CLSTN2: variants seen among roughly 807,000 people sequenced by gnomAD.
CLSTN2 encodes calsyntenin 2.
Under a neutral mutation model 101.2 loss-of-function variants are expected in CLSTN2, and 48 were observed. That is an observed-to-expected ratio of 0.47 (90% CI 0.38 to 0.60). The LOEUF is 0.60. Ranked by LOEUF, CLSTN2 falls within the 20% of genes least tolerant of loss-of-function variation. The pLI is 0.00. For missense variants in CLSTN2, 1,160 were observed against 1,238.2 expected, an observed-to-expected ratio of 0.94 and a Z score of 0.95; for synonymous variants, 481 against 463.6, an observed-to-expected ratio of 1.04 and a Z score of -0.48.
intron 1 of CLSTN2, among the ~76,000 whole-genome samples, chr3:140,005,764 A>C (rs2107749283): frequency 6.6e-6 from 1 of 152,346 alleles, no homozygotes; most frequent in African/African-American, 2.4e-5. Flanking sequence ...TGAAGTGGGA[A>C]AAGCAGCAGA....
chr3:140,034,038 TA>T (rs533692889), intron 1 of CLSTN2, among the ~76,000 whole-genome samples: 220 of 152,336 alleles, frequency 1.4e-3, no homozygotes, highest in African/African-American at 5.2e-3. Context: ...TTGCATTTTG[TA>T]AATGTGATCA....
chr3:140,104,224 G>A (rs923339025), intron 1 of CLSTN2, among the ~76,000 whole-genome samples: 2 of 152,186 alleles, frequency 1.3e-5, no homozygotes, highest in Non-Finnish European at 2.9e-5. Context: ...TTTTTCCACA[G>A]ACAGTTCCTC....
chr3:140,312,371 C>T (rs981450691), intron 2 of CLSTN2, among the ~76,000 whole-genome samples: 6 of 152,236 alleles, frequency 3.9e-5, no homozygotes, highest in Non-Finnish European at 2.9e-5. Context: ...GCACTGGGCC[C>T]TTGACCTGCT....
At chr3:140,112,276 T>C (rs2009168669) in intron 1 of CLSTN2, among the ~76,000 whole-genome samples, 1 of 152,180 alleles carries the variant, frequency 6.6e-6, no homozygotes, top group Non-Finnish European at 1.5e-5. Flanking sequence ...AGGAACACCA[T>C]TATTTGTGGA....
In CLSTN2 at chr3:140,459,700, A is replaced by G. The variant is rs1933512041; in HGVS notation, c.1153A>G (p.Met385Val). 1 of 1,614,136 alleles carries G rather than the reference A, an allele frequency of 6.2e-7. No homozygotes were observed. The highest frequency in any genetic ancestry group is 1.3e-5 in the African/African-American group (1 of 75,034). Residue 385 changes from methionine (M) to valine (V), a missense_variant, in exon 7 of 17, where the codon ATG becomes GTG. Transcript: ENST00000458420. ...LTDQFTITMW[M>V]KHGPSPGVRA... Reference sequence around the variant, plus strand: ...CGATCAGTTCACCATCACCATGTGGATGAAACACGGCCCCAGCCCTGGTGT... The same window carrying G: ...CGATCAGTTCACCATCACCATGTGGGTGAAACACGGCCCCAGCCCTGGTGT...
intron 1 of CLSTN2, among the ~76,000 whole-genome samples, chr3:139,975,348 GC>G (rs1935798399): frequency 6.6e-6 from 1 of 152,100 alleles, no homozygotes; most frequent in South Asian, 2.1e-4. Context: ...CAGGACCTGG[GC>G]TTGATTGTGT....
intron 2 of CLSTN2, among the ~76,000 whole-genome samples, chr3:140,306,497 A>C (rs2087115218): frequency 6.6e-6 from 1 of 152,286 alleles, no homozygotes; most frequent in Non-Finnish European, 1.5e-5. Flanking sequence ...CCCAGGTTGA[A>C]CCTTTGTAAA....
chr3:140,402,459 A>G (rs1048185770), intron 2 of CLSTN2, among the ~76,000 whole-genome samples: 1 of 152,212 alleles, frequency 6.6e-6, no homozygotes, highest in Non-Finnish European at 1.5e-5. Flanking sequence ...TTTTTTATGA[A>G]GTTCAAATGA....
At chr3:140,143,869 A>G (rs1445677093) in intron 1 of CLSTN2, among the ~76,000 whole-genome samples, 3 of 152,210 alleles carry the variant, frequency 2.0e-5, no homozygotes, top group Non-Finnish European at 4.4e-5. Flanking sequence ...ATGCTGTCTC[A>G]CTCACAAAGT....
At chr3:140,052,884 T>C (rs992801464) in intron 1 of CLSTN2, among the ~76,000 whole-genome samples, 3 of 152,126 alleles carry the variant, frequency 2.0e-5, no homozygotes, top group African/African-American at 7.2e-5. Context: ...GCCCCACATG[T>C]ATATAGTGAG....
At chr3:140,269,431 G>T (rs1435631272) in intron 2 of CLSTN2, among the ~76,000 whole-genome samples, 2 of 152,178 alleles carry the variant, frequency 1.3e-5, no homozygotes, top group Non-Finnish European at 2.9e-5. Context: ...TTGGAACTCA[G>T]ATACATACCT....
rs551720524 is a variant in CLSTN2 at position 139,992,115 on chromosome 3, AG to A, written c.109+56636del. 2.2e-3 allele frequency among the ~76,000 whole-genome samples: 339 copies of A among 152,310 alleles called. 5 individuals carry two copies. The highest frequency in any genetic ancestry group is 7.1e-3 in the African/African-American group (295 of 41,580). On this transcript the variant is annotated intron_variant, in intron 1 of 16. Transcript: ENST00000458420. ...GAAATCGACAAGTATTCTGTCTTCA[AG>A]GGGCTCACTAGCAACTGGGAAGAAG...
At chr3:140,341,540 G>C (rs2087492875) in intron 2 of CLSTN2, among the ~76,000 whole-genome samples, 1 of 152,152 alleles carries the variant, frequency 6.6e-6, no homozygotes, top group South Asian at 2.1e-4. Flanking sequence ...AAAGTAAACA[G>C]GGCATAAATC....
chr3:140,296,384 T>G (rs905789875), intron 2 of CLSTN2, among the ~76,000 whole-genome samples: 3 of 152,252 alleles, frequency 2.0e-5, no homozygotes, highest in Admixed American at 6.5e-5. Flanking sequence ...CAAAATTTCC[T>G]CACACTTCTG....
At chr3:140,102,367 G>A (rs2008981527) in intron 1 of CLSTN2, among the ~76,000 whole-genome samples, 6 of 152,326 alleles carry the variant, frequency 3.9e-5, no homozygotes. Context: ...GAAGCCTGTT[G>A]TGCTCAGACA....
chr3:140,520,097 T>C (rs1306489113), intron 8 of CLSTN2, among the ~76,000 whole-genome samples: 1 of 152,238 alleles, frequency 6.6e-6, no homozygotes, highest in African/African-American at 2.4e-5. Flanking sequence ...AAATTCTGGG[T>C]TGGAAATTCC....
chr3:140,125,338 A>G (rs1334417666), intron 1 of CLSTN2, among the ~76,000 whole-genome samples: 2 of 152,122 alleles, frequency 1.3e-5, no homozygotes, highest in Non-Finnish European at 2.9e-5. Context: ...GAGGGCAGTT[A>G]CAGGAGCAAA....
chr3:140,087,117 T>C (rs540501278), intron 1 of CLSTN2, among the ~76,000 whole-genome samples: 3 of 152,140 alleles, frequency 2.0e-5, no homozygotes, highest in African/African-American at 7.2e-5. Context: ...AAGAGGATCA[T>C]AGCTGATATA....
intron 2 of CLSTN2, among the ~76,000 whole-genome samples, chr3:140,186,425 T>A (rs1317942094): frequency 6.6e-6 from 1 of 152,218 alleles, no homozygotes; most frequent in Non-Finnish European, 1.5e-5. Context: ...AAGTCCTAAA[T>A]GTCTCAGTGA....
Sources: gnomAD v4.1 joint callset for allele counts (sites outside exome capture counted in the v4.1 genomes callset) on GRCh38, gnomAD v4.1.1 for gene constraint, MANE v1.5 for transcripts, NCBI Gene and HGNC (gene_info 2026-07-23, HGNC 2026-07-21) for gene names.